Variants in PDE4D observed in about 807,000 individuals in gnomAD.
PDE4D encodes 3',5'-cyclic-AMP phosphodiesterase 4D.
Under a neutral mutation model 87.4 loss-of-function variants are expected in PDE4D, and 24 were observed. The observed-to-expected ratio is 0.27, with a 90% CI of 0.20 to 0.39. The LOEUF (loss-of-function observed/expected upper bound fraction) is 0.39. Ranked by LOEUF, PDE4D falls within the 10% of genes least tolerant of loss-of-function variation. PDE4D has a pLI of 1.00. For synonymous variants in PDE4D, 384 were observed against 383.2 expected, an observed-to-expected ratio of 1.00 and a Z score of -0.02; for missense variants, 714 against 1,041.0, an observed-to-expected ratio of 0.69 and a Z score of 4.32.
At chr5:59,895,897 A>G (rs1751585594), upstream of PDE4D, among the ~76,000 whole-genome samples, 1 of 152,182 alleles carries the variant, frequency 6.6e-6, no homozygotes, top group Non-Finnish European at 1.5e-5. Flanking sequence ...TGAAAACTTT[A>G]TCTTTTATAT....
At chr5:59,518,318 A>T (rs934141389) in intron 1 of PDE4D, among the ~76,000 whole-genome samples, 3 of 152,112 alleles carry the variant, frequency 2.0e-5, no homozygotes, top group Non-Finnish European at 4.4e-5. Context: ...CTAAAAAAAA[A>T]AATAAAGCAC....
intron 5 of PDE4D, among the ~76,000 whole-genome samples, chr5:59,165,813 C>G (rs1781840211): frequency 6.6e-6 from 1 of 152,166 alleles, no homozygotes; most frequent in African/African-American, 2.4e-5. Context: ...CCTGCCTGTT[C>G]TCTTTTAGCC....
intron 1 of PDE4D, among the ~76,000 whole-genome samples, chr5:59,483,869 A>G (rs1482724775): frequency 6.6e-6 from 1 of 152,196 alleles, no homozygotes; most frequent in African/African-American, 2.4e-5. Context: ...ATTTCCAGAA[A>G]GAGGTATACC....
At chr5:58,994,110 TAA>T (rs1291881096) in intron 6 of PDE4D, among the ~76,000 whole-genome samples, 1 of 152,196 alleles carries the variant, frequency 6.6e-6, no homozygotes, top group African/African-American at 2.4e-5. Flanking sequence ...TGTTTCCTTT[TAA>T]AAGTTGTTTT....
At chr5:59,382,141 C>T (rs1320573888) in intron 1 of PDE4D, among the ~76,000 whole-genome samples, 1 of 152,118 alleles carries the variant, frequency 6.6e-6, no homozygotes, top group Non-Finnish European at 1.5e-5. Flanking sequence ...CAATCCTCTT[C>T]CTTATACTTG....
intron 1 of PDE4D, among the ~76,000 whole-genome samples, chr5:59,354,031 C>G (rs1259617325): frequency 2.0e-5 from 3 of 152,048 alleles, no homozygotes; most frequent in Non-Finnish European, 4.4e-5. Context: ...CTGAATATTA[C>G]CAGGCAGCAA....
chr5:60,157,496 A>G lies in PDE4D; in HGVS notation c.42+28061T>C, dbSNP rs146368181. 9.6e-4 allele frequency among the ~76,000 whole-genome samples: 146 copies of G among 152,290 alleles called. 1 individual carries two copies. Among genetic ancestry groups the G allele is most frequent in the African/African-American group, 3.4e-3 (142 of 41,576 alleles). On this transcript the variant is annotated intron_variant, in intron 2 of 16. Transcript: ENST00000502484. Reference sequence around the variant, plus strand: ...GAAAATAAAGCAGGTGAAGATTTAGAGAATGAGGAGGGTGCTATTTCAGAC... The same window carrying G: ...GAAAATAAAGCAGGTGAAGATTTAGGGAATGAGGAGGGTGCTATTTCAGAC...
chr5:59,994,135 A>G (rs1763293735), intron 2 of PDE4D, among the ~76,000 whole-genome samples: 1 of 151,942 alleles, frequency 6.6e-6, no homozygotes, highest in Non-Finnish European at 1.5e-5. Context: ...AAAGTAGACA[A>G]TAAACTACTT....
chr5:59,638,898 T>C (rs530837042), intron 1 of PDE4D, among the ~76,000 whole-genome samples: 2 of 152,292 alleles, frequency 1.3e-5, no homozygotes, highest in Admixed American at 6.5e-5. Context: ...ATTTCACAGG[T>C]ACTGAATTGC....
At chr5:59,088,397 C>T (rs140661876) in intron 5 of PDE4D, among the ~76,000 whole-genome samples, 17 of 152,208 alleles carry the variant, frequency 1.1e-4, no homozygotes, top group African/African-American at 4.1e-4. Flanking sequence ...TGTGGCAATT[C>T]CTCAAAGACC....
intron 1 of PDE4D, among the ~76,000 whole-genome samples, chr5:60,451,979 A>C (rs1475132683): frequency 1.3e-5 from 2 of 152,172 alleles, no homozygotes; most frequent in African/African-American, 4.8e-5. Flanking sequence ...TCTCAAAAAA[A>C]CAGGAAAAGT....
intron 1 of PDE4D, among the ~76,000 whole-genome samples, chr5:60,271,691 G>T (rs1353752266): frequency 6.6e-6 from 1 of 152,070 alleles, no homozygotes; most frequent in Non-Finnish European, 1.5e-5. Context: ...TGAGAAATGT[G>T]GTAAAAACAG....
chr5:59,252,917 A>T (rs1760252442), intron 1 of PDE4D, among the ~76,000 whole-genome samples: 1 of 152,156 alleles, frequency 6.6e-6, no homozygotes, highest in Admixed American at 6.6e-5. Context: ...TGATACTTTC[A>T]TTATTGCTTT....
intron 5 of PDE4D, among the ~76,000 whole-genome samples, chr5:59,058,151 G>C (rs1213198175): frequency 6.6e-6 from 1 of 152,120 alleles, no homozygotes; most frequent in African/African-American, 2.4e-5. Context: ...AACTGAAAAA[G>C]CATGAAACAC....
chr5:59,235,467 G>C (rs1375443974), intron 1 of PDE4D, among the ~76,000 whole-genome samples: 1 of 152,104 alleles, frequency 6.6e-6, no homozygotes, highest in Non-Finnish European at 1.5e-5. Flanking sequence ...AAAAATCTGA[G>C]GCTCAGGAAG....
intron 1 of PDE4D, among the ~76,000 whole-genome samples, chr5:59,790,837 C>T (rs1245407594): frequency 1.3e-5 from 2 of 152,158 alleles, no homozygotes; most frequent in Non-Finnish European, 2.9e-5. Flanking sequence ...TTCCTGTCTA[C>T]TACTATGTGT....
At chr5:59,585,470 T>G (rs1583223199) in intron 1 of PDE4D, among the ~76,000 whole-genome samples, 1 of 152,210 alleles carries the variant, frequency 6.6e-6, no homozygotes, top group African/African-American at 2.4e-5. Context: ...AAACAACCCA[T>G]GTTAGCAGAC....
At chr5:60,019,701 G>C (rs1245555481) in intron 2 of PDE4D, among the ~76,000 whole-genome samples, 5 of 152,126 alleles carry the variant, frequency 3.3e-5, no homozygotes, top group Non-Finnish European at 4.4e-5. Flanking sequence ...TTTGGCGCTT[G>C]CTTGAGATTA....
chr5:59,761,750 A>G (rs78189310), intron 1 of PDE4D, among the ~76,000 whole-genome samples: 2,471 of 152,178 alleles, frequency 0.016, 39 homozygotes, highest in Middle Eastern at 0.024. Context: ...CTCCTGAGGG[A>G]CCTACCTGAG....
Sources: allele counts gnomAD v4.1 joint callset (sites outside exome capture counted in the v4.1 genomes callset), GRCh38; gene constraint gnomAD v4.1.1; transcripts MANE v1.5; gene names NCBI Gene and HGNC (gene_info 2026-07-23, HGNC 2026-07-21).